Variants in GNB1L observed in about 807,000 individuals in gnomAD.
GNB1L encodes the protein guanine nucleotide-binding protein subunit beta-like protein 1.
GNB1L carries 20 observed loss-of-function variants against 29.1 expected under a neutral mutation model. That is an observed-to-expected ratio of 0.69 (90% confidence interval 0.48 to 1.00). The LOEUF is 1.00. Ranked by LOEUF, GNB1L falls within the 50% of genes least tolerant of loss-of-function variation. GNB1L has a pLI of 0.00. For synonymous variants in GNB1L, 193 were observed against 206.5 expected (o/e 0.93, Z 0.56); for missense variants, 421 against 464.9 (o/e 0.91, Z 0.87).
chr22:19,821,389 G>A lies in GNB1L; in HGVS notation c.-20-14C>T, dbSNP rs754671858. 2.5e-6 allele frequency: 4 copies of A among 1,606,782 alleles called. No homozygotes were observed. Among genetic ancestry groups the A allele is most frequent in the Middle Eastern group, 1.6e-4 (1 of 6,070 alleles). On this transcript the variant is annotated splice_polypyrimidine_tract_variant and intron_variant, in intron 2 of 7. Transcript: ENST00000329517. The stretch of plus-strand genomic sequence containing the variant: ...GGATGCAGTTACCTGGGCACCAAGG[G>A]AGGGCGTGTGAGTGACTGCGTCCCT...
At chr22:19,811,726 C>T (rs1937502687) in intron 5 of GNB1L, among the ~76,000 whole-genome samples, 1 of 152,108 alleles carries the variant, frequency 6.6e-6, no homozygotes, top group African/African-American at 2.4e-5. Context: ...CTCACCTTTC[C>T]CCTGAGGACT....
chr22:19,839,549 C>T (rs1311744106), intron 2 of GNB1L, among the ~76,000 whole-genome samples: 1 of 152,072 alleles, frequency 6.6e-6, no homozygotes, highest in East Asian at 1.9e-4. Flanking sequence ...TCAAGACCAG[C>T]CTGGGCAACA....
chr22:19,802,301 G>T lies in GNB1L; in HGVS notation c.517-85C>A, dbSNP rs1050499096. The T allele has an allele frequency of 1.6e-5, 17 of 1,090,708 alleles. No individual in the cohort carries two copies. The African/African-American group carries it at 2.0e-4, about 13-fold the overall frequency. 67.6% of individuals were successfully genotyped at this position (1,090,708 alleles called of 1,614,324 possible). A position where few individuals can be genotyped will look rare whatever the true frequency, so the allele number is the denominator to read the frequency against. ...GGGAGAAGGGGCTCTGGAAATTCCTGCCCCTCCTGCTGGCTGGGGCTGTTT... is the reference window on the plus strand; with the variant it reads ...GGGAGAAGGGGCTCTGGAAATTCCTTCCCCTCCTGCTGGCTGGGGCTGTTT... On this transcript the variant is annotated intron_variant, in intron 6 of 7. Coordinates refer to ENST00000329517, the MANE Select transcript of GNB1L (RefSeq NM_053004.3).
intron 2 of GNB1L, chr22:19,846,353 G>A (rs1937960364): frequency 3.3e-6 from 3 of 917,812 alleles, no homozygotes; most frequent in South Asian, 1.0e-4. Flanking sequence ...CCCCAGGTAG[G>A]GAAAGATTTC....
chr22:19,793,988 A>T (rs1358707600), intron 7 of GNB1L, among the ~76,000 whole-genome samples: 1 of 152,074 alleles, frequency 6.6e-6, no homozygotes, highest in African/African-American at 2.4e-5. Flanking sequence ...GTTTTTTTTT[A>T]AACTGATGAT....
Position 19,839,593 on chromosome 22 carries a change from C to G in GNB1L, c.-21+14850G>C, listed in dbSNP as rs190649477. The stretch of plus-strand genomic sequence containing the variant: ...CCCTGTCTCTACAAAAAATAATTAG[C>G]TGGGGCAGGGCACAATGGCTCACAC... On this transcript the variant is annotated intron_variant, in intron 2 of 7. Transcript: ENST00000329517. 6.5e-4 allele frequency among the ~76,000 whole-genome samples: 99 copies of G among 151,786 alleles called. 2 individuals carry two copies. In the East Asian group the frequency reaches 0.015, roughly 24 times the overall value.
At chr22:19,815,035 CAAA>C (rs761875223) in intron 4 of GNB1L, among the ~76,000 whole-genome samples, 3 of 104,694 alleles carry the variant, frequency 2.9e-5, no homozygotes, top group African/African-American at 3.6e-5. Flanking sequence ...GACCCTGCCT[CAAA>C]AAAAAAAAAA....
Position 19,820,599 on chromosome 22 carries a change from T to C in GNB1L, c.253A>G (p.Ser85Gly). The change falls in exon 4 of 8, where the codon AGT (serine) becomes GGT (glycine). Residue 85 changes from serine (S) to glycine (G), a missense_variant and splice_region_variant. Transcript: ENST00000329517. ...QTLPQGRQLL[S>G]QGRDLKLCLW... The stretch of plus-strand genomic sequence containing the variant: ...GGCTCCTGCACCTTGGAGACCCACC[T>C]GAGGAGCTGGCGCCCCTGGGGCAGC... 6.2e-7 allele frequency: 1 copy of C among 1,611,670 alleles called. No individual in the cohort carries two copies. Among genetic ancestry groups the C allele is most frequent in the Non-Finnish European group, 8.5e-7 (1 of 1,179,234 alleles).
intron 7 of GNB1L, among the ~76,000 whole-genome samples, chr22:19,799,643 A>T (rs991742850): frequency 7.9e-5 from 12 of 152,298 alleles, no homozygotes; most frequent in African/African-American, 2.9e-4. Flanking sequence ...GGCTCATCAG[A>T]GGCTTCGGCA....
intron 2 of GNB1L, chr22:19,849,618 T>C (rs1134450): frequency 0.16 from 140,982 of 895,028 alleles, 18,061 homozygotes; most frequent in African/African-American, 0.63. Flanking sequence ...CCACCCACCT[T>C]GGCCTCCCAG....
At chr22:19,830,978 G>A (rs545105401) in intron 2 of GNB1L, among the ~76,000 whole-genome samples, 3 of 152,290 alleles carry the variant, frequency 2.0e-5, no homozygotes, top group South Asian at 2.1e-4. Context: ...TGAAATACAC[G>A]AGCATAAACT....
chr22:19,793,144 A>T, intron 7 of GNB1L: 1 of 1,089,360 alleles, frequency 9.2e-7, no homozygotes. Context: ...AATAATACAA[A>T]TTTTCCTTCA....
intron 4 of GNB1L, among the ~76,000 whole-genome samples, chr22:19,820,013 T>A (rs1601335571): frequency 6.6e-6 from 1 of 152,090 alleles, no homozygotes; most frequent in African/African-American, 2.4e-5. Flanking sequence ...AAGAGTCAGG[T>A]GCATTGTCAT....
intron 2 of GNB1L, chr22:19,851,614 T>A (rs1480336303): frequency 1.9e-6 from 3 of 1,595,686 alleles, no homozygotes; most frequent in Non-Finnish European, 1.7e-6. Context: ...AGAACCTAGC[T>A]AAGTATTGCC....
At chr22:19,833,090 C>G (rs1053975659) in intron 2 of GNB1L, among the ~76,000 whole-genome samples, 6 of 152,232 alleles carry the variant, frequency 3.9e-5, no homozygotes, top group Non-Finnish European at 8.8e-5. Context: ...ACACACTATT[C>G]AACCCAGGAT....
intron 2 of GNB1L, chr22:19,849,992 C>T (rs149639868): frequency 5.1e-6 from 5 of 985,496 alleles, no homozygotes; most frequent in Non-Finnish European, 4.8e-6. Flanking sequence ...TGGGGCCTCA[C>T]AGCTCTGGAC....
intron 2 of GNB1L, among the ~76,000 whole-genome samples, chr22:19,837,731 C>T (rs1202847713): frequency 6.6e-6 from 1 of 152,204 alleles, no homozygotes; most frequent in Non-Finnish European, 1.5e-5. Context: ...TGCCCATCAA[C>T]AGCAGAAGAA....
chr22:19,816,664 C>T lies in GNB1L; in HGVS notation c.254+3934G>A, dbSNP rs1937526538. 6.6e-6 allele frequency among the ~76,000 whole-genome samples: 1 copy of T among 152,138 alleles called. No homozygotes were observed. Among genetic ancestry groups the T allele is most frequent in the African/African-American group, 2.4e-5 (1 of 41,422 alleles). On this transcript the variant is annotated intron_variant, in intron 4 of 7. Transcript: ENST00000329517. This position sits in a 1 kb window ranked among gnomAD's most constrained non-coding sequence, Gnocchi z 4.4. ...ACACCTCACATACATACACACCACA[C>T]AGGCACCTCACACATACACAACTTA...
At chr22:19,815,805 C>T (rs1410381349) in intron 4 of GNB1L, among the ~76,000 whole-genome samples, 1 of 152,162 alleles carries the variant, frequency 6.6e-6, no homozygotes, top group Non-Finnish European at 1.5e-5. Context: ...TGGTCTCGAA[C>T]TCTGGGCCCA....
Sources: allele counts gnomAD v4.1 joint callset (sites outside exome capture counted in the v4.1 genomes callset), GRCh38; gene constraint gnomAD v4.1.1; non-coding constraint Gnocchi (gnomAD v3.1); transcripts MANE v1.5; gene names NCBI Gene and HGNC (gene_info 2026-07-23, HGNC 2026-07-21).